ASB3: variants seen among roughly 807,000 people sequenced by gnomAD.
ASB3 encodes ankyrin repeat and SOCS box containing 3, also known as ankyrin repeat and SOCS box protein 3.
In ASB3, 41 loss-of-function variants were observed where a neutral mutation model predicts 54.5. That is an observed-to-expected ratio of 0.75 (90% CI 0.59 to 0.98). ASB3 has a LOEUF of 0.98. Ranked by LOEUF, ASB3 falls within the 50% of genes least tolerant of loss-of-function variation. The pLI is 0.00. For synonymous variants in ASB3, 266 were observed against 221.2 expected (o/e 1.20, Z -1.80); for missense variants, 733 against 620.0 (o/e 1.18, Z -1.94).
chr2:53,755,848 G>T (rs997508154), intron 2 of ASB3, among the ~76,000 whole-genome samples: 1 of 152,096 alleles, frequency 6.6e-6, no homozygotes, highest in Non-Finnish European at 1.5e-5. Flanking sequence ...AATACATAAA[G>T]AGCTCTTTAA....
At chr2:53,735,868 G>T (rs768565863) in intron 3 of ASB3, among the ~76,000 whole-genome samples, 9 of 152,074 alleles carry the variant, frequency 5.9e-5, no homozygotes, top group South Asian at 2.1e-4. Flanking sequence ...TATGACAAAG[G>T]TGACAATGGT....
intron 5 of ASB3, among the ~76,000 whole-genome samples, chr2:53,724,476 G>A (rs188315432): frequency 1.3e-5 from 2 of 152,188 alleles, no homozygotes; most frequent in African/African-American, 2.4e-5. Flanking sequence ...GCACGTGCCT[G>A]TAGTCCCAGC....
chr2:53,745,357 G>C (rs567209316), intron 3 of ASB3, among the ~76,000 whole-genome samples: 1 of 152,168 alleles, frequency 6.6e-6, no homozygotes, highest in Non-Finnish European at 1.5e-5. Flanking sequence ...TATTCATGTA[G>C]AAAGATGAGA....
intron 1 of ASB3, chr2:53,774,266 C>T (rs146249913): frequency 1.2e-6 from 2 of 1,614,052 alleles, no homozygotes; most frequent in African/African-American, 1.3e-5. Flanking sequence ...CCAAAAGATC[C>T]CACAACAAAA....
chr2:53,716,726 G>A lies in ASB3; in HGVS notation c.622C>T (p.Gln208Ter), dbSNP rs746929491. The A allele has an allele frequency of 6.8e-6, 11 of 1,612,714 alleles. No individual in the cohort carries two copies. Among genetic ancestry groups the A allele is most frequent in the Non-Finnish European group, 8.5e-6 (10 of 1,179,154 alleles). Residue 208 changes from glutamine (Q) to a stop codon, truncating the protein, a stop_gained, in exon 6 of 10, where the codon CAA becomes TAA. Transcript: ENST00000263634. LOFTEE classifies it high-confidence loss of function. ...LISSGANVNC[Q>*]ALDKATPLFI... ...AAGGGTGTAGCTTTGTCCAAGGCTT[G>A]ACAATTGACATTTGCACCTAAGGGT...
rs148929790 is a variant in ASB3 at position 53,738,026 on chromosome 2, T to C, written c.356-8456A>G. Among the ~76,000 whole-genome samples, 88 of 152,366 alleles carry C rather than the reference T, an allele frequency of 5.8e-4. No individual in the cohort carries two copies. In the East Asian group the frequency reaches 0.016, roughly 27 times the overall value. On this transcript the variant is annotated intron_variant, in intron 3 of 9. Transcript: ENST00000263634. Reference sequence around the variant, plus strand: ...AATTAGGACAGAACTAAGCTTCATATACTGTGTACCTCTTATGGTATTTAT... The same window carrying C: ...AATTAGGACAGAACTAAGCTTCATACACTGTGTACCTCTTATGGTATTTAT...
intron 9 of ASB3, among the ~76,000 whole-genome samples, chr2:53,685,898 A>C (rs568492742): frequency 6.6e-6 from 1 of 152,334 alleles, no homozygotes; most frequent in Non-Finnish European, 1.5e-5. Context: ...CACAATCTCC[A>C]ATAGATACAA....
Position 53,670,360 on chromosome 2 carries a change from T to A in ASB3, c.*143A>T. On this transcript the variant is annotated 3_prime_UTR_variant, in exon 10 of 10. Coordinates refer to ENST00000263634, the MANE Select transcript of ASB3 (RefSeq NM_016115.5). ...GTAAACATAAACATTCTCACTGAAC[T>A]ACTGGCCCCCCAAAACCTAACCTAT... The A allele has an allele frequency of 1.8e-6, 1 of 554,650 alleles. No individual in the cohort carries two copies. Among genetic ancestry groups the A allele is most frequent in the Non-Finnish European group, 2.8e-6 (1 of 359,220 alleles). The allele number at this position is 554,650 out of a possible 1,614,324, so 34.4% of individuals were successfully genotyped here.
At chr2:53,684,597 T>A (rs1668540048) in intron 9 of ASB3, among the ~76,000 whole-genome samples, 1 of 152,172 alleles carries the variant, frequency 6.6e-6, no homozygotes. Flanking sequence ...TTCAAACACT[T>A]TTGGATTTAG....
At chr2:53,723,699 G>A (rs1339982290) in intron 5 of ASB3, among the ~76,000 whole-genome samples, 8 of 152,170 alleles carry the variant, frequency 5.3e-5, no homozygotes, top group Non-Finnish European at 1.2e-4. Context: ...TAAGGCTACA[G>A]TAACCAAAAC....
intron 7 of ASB3, among the ~76,000 whole-genome samples, chr2:53,709,043 G>T (rs190925257): frequency 4.6e-5 from 7 of 152,346 alleles, no homozygotes; most frequent in Admixed American, 1.3e-4. Context: ...TAAGTAAAAA[G>T]GAGGCAAGTG....
intron 3 of ASB3, among the ~76,000 whole-genome samples, chr2:53,744,053 A>G (rs568828116): frequency 5.3e-4 from 81 of 151,562 alleles, no homozygotes; most frequent in Non-Finnish European, 1.1e-3. Flanking sequence ...AAAAAAAAAA[A>G]AAAAAGTAAT....
intron 7 of ASB3, among the ~76,000 whole-genome samples, chr2:53,706,228 C>G (rs1468716838): frequency 6.6e-6 from 1 of 152,172 alleles, no homozygotes; most frequent in Non-Finnish European, 1.5e-5. Flanking sequence ...CATGCTCCAT[C>G]CTTATCCCTC....
intron 2 of ASB3, among the ~76,000 whole-genome samples, chr2:53,761,512 C>T (rs1265079768): frequency 6.6e-6 from 1 of 152,184 alleles, no homozygotes; most frequent in Non-Finnish European, 1.5e-5. Flanking sequence ...GATCCTGATC[C>T]TCAGGCCTTC....
chr2:53,766,278 T>G (rs1207965307), intron 1 of ASB3, among the ~76,000 whole-genome samples: 1 of 152,170 alleles, frequency 6.6e-6, no homozygotes, highest in Non-Finnish European at 1.5e-5. Flanking sequence ...GCCCACATCA[T>G]CACCTCCCTC....
At position 53,750,857 on chromosome 2, in the gene ASB3, A is replaced by T; in HGVS notation, c.281T>A (p.Ile94Asn). The T allele has an allele frequency of 6.2e-7, 1 of 1,603,596 alleles. No individual in the cohort carries two copies. Among genetic ancestry groups the T allele is most frequent in the Middle Eastern group, 1.7e-4 (1 of 6,046 alleles). The change falls in exon 3 of 10, where the codon ATC becomes AAC. Residue 94 changes from isoleucine (I) to asparagine (N), a missense_variant. Transcript: ENST00000263634. ...CCCAGCTTCTAAAAGAATCTGTACG[A>T]TTTTCCAATGTCCTTGACTTGCAGC... ...HLAASQGHWK[I>N]VQILLEAGAD...
chr2:53,720,252 T>A (rs1384286753), intron 5 of ASB3, among the ~76,000 whole-genome samples: 2 of 152,200 alleles, frequency 1.3e-5, no homozygotes, highest in Non-Finnish European at 2.9e-5. Flanking sequence ...ATCTTATATA[T>A]GTTGATTGAT....
At chr2:53,744,466 C>T (rs1017145539) in intron 3 of ASB3, among the ~76,000 whole-genome samples, 4 of 151,160 alleles carry the variant, frequency 2.6e-5, no homozygotes, top group Non-Finnish European at 1.5e-5. Flanking sequence ...ACTAAAAAAA[C>T]AAACAAAAGT....
intron 2 of ASB3, among the ~76,000 whole-genome samples, chr2:53,764,734 C>G (rs1387104643): frequency 6.6e-6 from 1 of 152,174 alleles, no homozygotes; most frequent in Non-Finnish European, 1.5e-5. Flanking sequence ...ATGGCCGATC[C>G]CAAGCATGAA....
Sources: gnomAD v4.1 joint callset for allele counts (sites outside exome capture counted in the v4.1 genomes callset) on GRCh38, gnomAD v4.1.1 for gene constraint, MANE v1.5 for transcripts, NCBI Gene and HGNC (gene_info 2026-07-23, HGNC 2026-07-21) for gene names.